DNAH3: variants seen among roughly 807,000 people sequenced by gnomAD.
DNAH3 encodes the protein dynein axonemal heavy chain 3.
In DNAH3, 332 loss-of-function variants were observed where a neutral mutation model predicts 432.5. The observed-to-expected ratio is 0.77, with a 90% CI of 0.70 to 0.84. DNAH3 has a LOEUF of 0.84. Ranked by LOEUF, DNAH3 falls within the 40% of genes least tolerant of loss-of-function variation. DNAH3 has a pLI of 0.00. For synonymous variants in DNAH3, 1,956 were observed against 1,900.2 expected, an observed-to-expected ratio of 1.03 and a Z score of -0.76; for missense variants, 4,861 against 5,114.0, an observed-to-expected ratio of 0.95 and a Z score of 1.51.
rs767183077 is a variant in DNAH3, at chr16:21,036,841, A to G, written c.4958T>C (p.Ile1653Thr). Residue 1653 changes from isoleucine to threonine, a missense_variant, in exon 35 of 62, where the codon ATA becomes ACA. Coordinates refer to ENST00000261383, the Ensembl canonical transcript of DNAH3. ...AACAACTCCAGGAAATAAATCAGAT[A>G]TAATTCCCTGTTAAAAAGAATTTAA... is the stretch of plus-strand genomic sequence containing the variant. The G allele has an allele frequency of 6.2e-7, 1 of 1,608,670 alleles. No individual in the cohort carries two copies. Among genetic ancestry groups the G allele is most frequent in the Non-Finnish European group, 8.5e-7 (1 of 1,176,314 alleles).
chr16:21,004,419 G>C (rs1384131870), intron 41 of DNAH3, among the ~76,000 whole-genome samples: 1 of 151,832 alleles, frequency 6.6e-6, no homozygotes, highest in Non-Finnish European at 1.5e-5. Context: ...CCAGGCTGGA[G>C]TGCAGTGACA....
In DNAH3 at chr16:21,142,193, C is replaced by T. The variant is rs150851651; in HGVS notation, c.449-821G>A. ...CAGCCTGACCAACATGGTGAAATCC[C>T]CCATCTCTACTAAAAATACAAAAAT... On this transcript the variant is annotated intron_variant, in intron 3 of 61. Transcript: ENST00000261383. 5.8e-3 allele frequency among the ~76,000 whole-genome samples: 883 copies of T among 152,078 alleles called. 14 individuals are homozygous for T. Among genetic ancestry groups the T allele is most frequent in the African/African-American group, 0.02 (844 of 41,478 alleles).
At chr16:20,952,298 C>G in intron 56 of DNAH3, 135 bp downstream of exon 56, 1 of 602,682 alleles carries the variant, frequency 1.7e-6, no homozygotes. Context: ...GCATGATGAC[C>G]AGCATTAGTA....
chr16:20,963,924 G>T lies in DNAH3; in HGVS notation c.9960C>A (p.Tyr3320Ter). 1 of 1,614,164 alleles carries T rather than the reference G, an allele frequency of 6.2e-7. No homozygotes were observed. The highest frequency in any genetic ancestry group is 1.1e-5 in the South Asian group (1 of 91,082). The change falls in exon 53 of 62, where the codon TAC becomes TAA. Residue 3320 changes from tyrosine to a stop codon, truncating the protein, a stop_gained. Coordinates refer to ENST00000261383, the Ensembl canonical transcript of DNAH3. LOFTEE classifies it high-confidence loss of function. The stretch of plus-strand genomic sequence containing the variant: ...AGAGATTTATGAACCAAGTCAGGGA[G>T]TACTGGTACATCGGCTCGATGTTGG...
intron 20 of DNAH3, among the ~76,000 whole-genome samples, chr16:21,077,036 G>A (rs144396990): frequency 6.6e-6 from 1 of 152,268 alleles, no homozygotes; most frequent in Non-Finnish European, 1.5e-5. Flanking sequence ...AATGTCTCCA[G>A]ATATTTCCAA....
chr16:21,076,786 T>A (rs1477007097), intron 20 of DNAH3, among the ~76,000 whole-genome samples: 1 of 152,200 alleles, frequency 6.6e-6, no homozygotes, highest in Non-Finnish European at 1.5e-5. Context: ...TCATTCTATT[T>A]TGGAAAACAG....
exon 60 of DNAH3, chr16:20,936,665 C>A: frequency 6.3e-7 from 1 of 1,598,166 alleles, no homozygotes; most frequent in Non-Finnish European, 8.5e-7. Context: ...GAAGGTCAGG[C>A]GGGCCAGCAG....
chr16:20,942,547 G>A (rs931514383), intron 58 of DNAH3, among the ~76,000 whole-genome samples: 1 of 152,162 alleles, frequency 6.6e-6, no homozygotes, highest in Non-Finnish European at 1.5e-5. Flanking sequence ...ATGGCACTAG[G>A]AACCAAATCA....
intron 41 of DNAH3, among the ~76,000 whole-genome samples, chr16:21,006,123 C>A (rs1340413436): frequency 6.6e-6 from 1 of 152,116 alleles, no homozygotes; most frequent in Non-Finnish European, 1.5e-5. Flanking sequence ...TCTCTGATTA[C>A]TTCAATGTTT....
exon 53 of DNAH3, chr16:20,963,476 A>G (rs766283322): frequency 1.2e-6 from 2 of 1,614,120 alleles, no homozygotes; most frequent in South Asian, 1.1e-5. Flanking sequence ...ATCTTCTCCA[A>G]TCCTTGAGAG....
At chr16:21,152,797 G>T (rs1157454445) in intron 1 of DNAH3, among the ~76,000 whole-genome samples, 1 of 152,252 alleles carries the variant, frequency 6.6e-6, no homozygotes, top group African/African-American at 2.4e-5. Flanking sequence ...CACCGGCGCT[G>T]CGCTCCATTT....
intron 42 of DNAH3, among the ~76,000 whole-genome samples, chr16:21,002,282 G>C (rs2087058034): frequency 6.6e-6 from 1 of 152,028 alleles, no homozygotes; most frequent in Non-Finnish European, 1.5e-5. Context: ...CACAAGGATT[G>C]AAAAGAGCAG....
chr16:21,095,705 T>A (rs2091655850), intron 18 of DNAH3, among the ~76,000 whole-genome samples: 1 of 152,196 alleles, frequency 6.6e-6, no homozygotes, highest in Non-Finnish European at 1.5e-5. Context: ...AATTTAAAAA[T>A]AAAATGTAAA....
chr16:21,123,886 G>T (rs902433316), intron 9 of DNAH3, among the ~76,000 whole-genome samples: 1 of 152,018 alleles, frequency 6.6e-6, no homozygotes, highest in Admixed American at 6.6e-5. Context: ...TCTGCCTCCT[G>T]GGTTCAAGTG....
intron 18 of DNAH3, among the ~76,000 whole-genome samples, chr16:21,087,365 T>A (rs2091411810): frequency 6.6e-6 from 1 of 152,182 alleles, no homozygotes; most frequent in Non-Finnish European, 1.5e-5. Flanking sequence ...GGATGTACAA[T>A]TAGCATATCA....
intron 53 of DNAH3, among the ~76,000 whole-genome samples, chr16:20,959,643 A>C (rs934640035): frequency 2.8e-4 from 40 of 143,900 alleles, no homozygotes; most frequent in Non-Finnish European, 1.2e-4. Context: ...ACACACACAC[A>C]CACACACACA....
chr16:21,018,426 A>G (rs1239561509), intron 41 of DNAH3, among the ~76,000 whole-genome samples: 1 of 152,202 alleles, frequency 6.6e-6, no homozygotes, highest in Non-Finnish European at 1.5e-5. Flanking sequence ...TGTATTTTCT[A>G]AATTTTATAT....
In DNAH3 at chr16:21,077,576, G is replaced by A. The variant is rs568648114; in HGVS notation, c.2970-2015C>T. 3.3e-5 allele frequency among the ~76,000 whole-genome samples: 5 copies of A among 152,204 alleles called. No individual in the cohort carries two copies. In the South Asian group the frequency reaches 1.0e-3, roughly 32 times the overall value. ...ACACCTACTATTTTCCTGATACTGG[G>A]TCCACCCGTCCATGGCCCCTCTATT... On this transcript the variant is annotated intron_variant, in intron 20 of 61. Transcript: ENST00000261383.
At chr16:21,019,491 CATATTT>C in intron 41 of DNAH3, 127 bp downstream of exon 41, 1 of 974,218 alleles carries the variant, frequency 1.0e-6, no homozygotes, top group East Asian at 2.4e-5. Context: ...TAATTCCTTA[CATATTT>C]ATTAGCCACC....
Sources: allele counts gnomAD v4.1 joint callset (sites outside exome capture counted in the v4.1 genomes callset), GRCh38; gene constraint gnomAD v4.1.1; transcripts MANE v1.5; gene names NCBI Gene and HGNC (gene_info 2026-07-23, HGNC 2026-07-21).